The following FTCD variants were observed in gnomAD, a reference collection of about 807,000 sequenced individuals.
The protein encoded by FTCD is formimidoyltransferase cyclodeaminase.
Under a neutral mutation model 62.9 loss-of-function variants are expected in FTCD, and 76 were observed. The ratio of observed to expected loss-of-function variants is 1.21; its 90% CI spans 1.00 to 1.46. The LOEUF is 1.46. Among genes scored for constraint, FTCD ranks in the 40% most tolerant of loss-of-function variants. The pLI, the probability that FTCD is intolerant of heterozygous loss-of-function variation, is 0.00. For missense variants in FTCD, 845 were observed against 751.3 expected, an observed-to-expected ratio of 1.12 and a Z score of -1.46; for synonymous variants, 397 against 336.9, an observed-to-expected ratio of 1.18 and a Z score of -1.95.
chr21:46,154,450 T>TGG, intron 1 of FTCD, 118 bp from the exon 2 acceptor site: 1 of 1,258,722 alleles, frequency 7.9e-7, no homozygotes, highest in Non-Finnish European at 1.1e-6. Flanking sequence ...GCCAAGCCTT[T>TGG]GGGGGCTCTC....
At chr21:46,152,565 C>G in intron 3 of FTCD, 1 of 244,438 alleles carries the variant, frequency 4.1e-6, no homozygotes, top group Non-Finnish European at 7.9e-6. Flanking sequence ...TGGGTATGCA[C>G]TTTGTCCCGT....
chr21:46,151,118 T>C (rs1295358828), intron 5 of FTCD, among the ~76,000 whole-genome samples: 2 of 151,638 alleles, frequency 1.3e-5, no homozygotes, highest in Non-Finnish European at 2.9e-5. Flanking sequence ...ATACCCGGAG[T>C]GACGCTCAGA....
chr21:46,140,230 C>T (rs1487183665), intron 10 of FTCD, among the ~76,000 whole-genome samples: 1 of 146,074 alleles, frequency 6.8e-6, no homozygotes, highest in Non-Finnish European at 1.5e-5. Flanking sequence ...CTTCACGTGC[C>T]TCACAGGGTG....
intron 3 of FTCD, chr21:46,152,371 G>A (rs2079311417): frequency 4.5e-6 from 1 of 223,124 alleles, no homozygotes; most frequent in Non-Finnish European, 8.8e-6. Flanking sequence ...TGACTGTGAC[G>A]TGGGCCCTGC....
Position 46,145,859 on chromosome 21 carries a change from C to A in FTCD, c.1057G>T (p.Ala353Ser). ...GCCGCCACCGAGCCGCCCCCGGGGGCCGCAGAGCGGGCACCCACCTCCCCC... is the reference window on the plus strand; with the variant it reads ...GCCGCCACCGAGCCGCCCCCGGGGGACGCAGAGCGGGCACCCACCTCCCCC... ...FVGEVGARSA[A>S]PGGGSVAAAA... is the part of the protein sequence containing the mutation. The change falls in exon 9 of 14, where the codon GCC (alanine) becomes TCC (serine). Residue 353 changes from alanine to serine, a missense_variant. Coordinates refer to ENST00000397746, the MANE Select transcript of FTCD (RefSeq NM_206965.2). The A allele has an allele frequency of 8.0e-7, 1 of 1,251,086 alleles. No individual in the cohort carries two copies. Among genetic ancestry groups the A allele is most frequent in the Non-Finnish European group, 1.0e-6 (1 of 996,904 alleles). 77.5% of individuals were successfully genotyped at this position (1,251,086 alleles called of 1,614,324 possible). A position where few individuals can be genotyped will look rare whatever the true frequency, so the allele number is the denominator to read the frequency against.
In FTCD at chr21:46,145,432, G is replaced by C. The variant is rs778947275; in HGVS notation, c.1245C>G (p.Ala415=). ...CGCCACTCACCAGGTAGGCGGTGAA[G>C]GCCTCGGCGTCGGCATCCACCAGCG... The part of the protein sequence containing the change: ...LTTLVDADAE[A]FTAYLEAMRL... Residue 415 remains alanine, a synonymous_variant, in exon 10 of 14, where the codon GCC becomes GCG. Transcript: ENST00000397746. 2.6e-6 allele frequency: 4 copies of C among 1,554,774 alleles called. No individual in the cohort carries two copies. The highest frequency in any genetic ancestry group is 3.5e-6 in the Non-Finnish European group (4 of 1,150,258).
chr21:46,136,611 C>T, downstream of FTCD: 1 of 1,513,118 alleles, frequency 6.6e-7, no homozygotes, highest in Non-Finnish European at 8.9e-7. Context: ...CTGTGGGCTG[C>T]ACTGGGTGTC....
chr21:46,151,630 G>T lies in FTCD; in HGVS notation c.564C>A (p.Asn188Lys), dbSNP rs1758669736. The change falls in exon 5 of 14, where the codon AAC (asparagine) becomes AAA (lysine). Residue 188 changes from asparagine (N) to lysine (K), a missense_variant. By Grantham distance (94) the Asn-to-Lys change is moderately conservative. Transcript: ENST00000397746. Reference protein sequence around the residue: ...ARKFLIAFNINLLGTKEQAHR... With the variant: ...ARKFLIAFNIKLLGTKEQAHR... ...GGGCTTGCTCCTTTGTGCCGAGCAG[G>T]TTGATGTTAAAAGCAATGAGGAACT... 6.2e-7 allele frequency: 1 copy of T among 1,612,972 alleles called. No homozygotes were observed. Among genetic ancestry groups the T allele is most frequent in the African/African-American group, 1.3e-5 (1 of 74,946 alleles).
rs995601855 is a variant in FTCD, at chr21:46,152,946, C to T, written c.328G>A (p.Ala110Thr). 9.0e-5 allele frequency: 141 copies of T among 1,564,170 alleles called. No individual in the cohort carries two copies. Among genetic ancestry groups the T allele is most frequent in the Non-Finnish European group, 1.2e-4 (136 of 1,154,700 alleles). The change falls in exon 3 of 14, where the codon GCC becomes ACC. Residue 110 changes from alanine to threonine, a missense_variant. Ala to Thr is a moderately conservative substitution (Grantham distance 58). Transcript: ENST00000397746. ...TCCTCTGCCAGCCTCTGGCCAAAGG[C>T]CTGGGCGCAGAGCACACACTCATCC... Reference protein sequence around the residue: ...SVDECVLCAQAFGQRLAEELD... With the variant: ...SVDECVLCAQTFGQRLAEELD...
At chr21:46,145,334 G>C (rs1466525046) in intron 10 of FTCD, 83 bp downstream of exon 10, 1 of 1,192,722 alleles carries the variant, frequency 8.4e-7, no homozygotes, top group East Asian at 2.6e-5. Context: ...CCCAGCCGGA[G>C]GCTGACCCGC....
chr21:46,150,017 G>A (rs2079228427), intron 7 of FTCD, 102 bp downstream of exon 7: 15 of 1,083,934 alleles, frequency 1.4e-5, no homozygotes, highest in Non-Finnish European at 2.1e-5. Flanking sequence ...TGAAGGGGGA[G>A]GAGGGGGAGG....
Position 46,151,894 on chromosome 21 carries a change from T to A in FTCD, c.454A>T (p.Lys152Ter). 1.9e-6 allele frequency: 3 copies of A among 1,561,992 alleles called. No homozygotes were observed. The highest frequency in any genetic ancestry group is 2.6e-6 in the Non-Finnish European group (3 of 1,153,682). ...RAGEYEALPK[K>*]LQQADWAPDF... Reference sequence around the variant, plus strand: ...CCGACCGCCCGGGGTGGGGGCACCTTCTTAGGGAGGGCCTCGTACTCCCCG... The same window carrying A: ...CCGACCGCCCGGGGTGGGGGCACCTACTTAGGGAGGGCCTCGTACTCCCCG... The change falls in exon 4 of 14, where the codon AAG becomes TAG. Residue 152 changes from lysine to a stop codon, truncating the protein, a stop_gained and splice_region_variant. Coordinates refer to ENST00000397746, the MANE Select transcript of FTCD (RefSeq NM_206965.2). LOFTEE classifies it high-confidence loss of function.
chr21:46,145,958 G>A lies in FTCD; in HGVS notation c.969-11C>T. 6.8e-7 allele frequency: 1 copy of A among 1,469,430 alleles called. No homozygotes were observed. Among genetic ancestry groups the A allele is most frequent in the East Asian group, 2.7e-5 (1 of 37,514 alleles). The allele number at this position is 1,469,430 out of a possible 1,614,324, so 91.0% of individuals were successfully genotyped here. ...TCAGGGACCAGGTACCTGCAGGGTG[G>A]GCGCGGCTCAGCGGGTCTGGCCGGG... On this transcript the variant is annotated splice_polypyrimidine_tract_variant and intron_variant, in intron 8 of 13. Transcript: ENST00000397746.
intron 2 of FTCD, 109 bp from the exon 3 acceptor site, chr21:46,153,144 A>G: frequency 8.4e-7 from 1 of 1,196,896 alleles, no homozygotes; most frequent in Non-Finnish European, 1.2e-6. Flanking sequence ...CCCCCAGTCC[A>G]CACACCCAGC....
At chr21:46,147,253 A>C (rs1290055106) in intron 7 of FTCD, among the ~76,000 whole-genome samples, 4 of 151,578 alleles carry the variant, frequency 2.6e-5, no homozygotes, top group Middle Eastern at 3.4e-3. Context: ...CAGTTGAGGT[A>C]CTTCCCAGTC....
At chr21:46,145,285 T>C in intron 10 of FTCD, 132 bp downstream of exon 10, 1 of 711,416 alleles carries the variant, frequency 1.4e-6, no homozygotes, top group Non-Finnish European at 2.3e-6. Context: ...CAGCGGCCAG[T>C]GGTGACGCCC....
intron 10 of FTCD, chr21:46,142,843 T>C (rs1240922790): frequency 6.6e-6 from 1 of 152,224 alleles, no homozygotes; most frequent in Non-Finnish European, 1.5e-5. Flanking sequence ...AGAGTGCTGA[T>C]TGGTGCGTTT....
intron 2 of FTCD, 52 bp downstream of exon 2, chr21:46,154,097 C>G (rs760619835): frequency 3.8e-6 from 6 of 1,574,938 alleles, no homozygotes; most frequent in Non-Finnish European, 5.2e-6. Context: ...GGACAGGGCT[C>G]GGCCCTGACA....
chr21:46,147,774 TA>T (rs554177693), intron 7 of FTCD, among the ~76,000 whole-genome samples: 197 of 139,048 alleles, frequency 1.4e-3, no homozygotes, highest in Non-Finnish European at 1.4e-3. Context: ...CCGTCTCTAC[TA>T]AAAAAAAAAA....
Sources: allele counts gnomAD v4.1 joint callset (sites outside exome capture counted in the v4.1 genomes callset), GRCh38; gene constraint gnomAD v4.1.1; transcripts MANE v1.5; gene names NCBI Gene and HGNC (gene_info 2026-07-23, HGNC 2026-07-21).